The following IFT88 variants were observed in gnomAD, a reference collection of about 807,000 sequenced individuals.
IFT88 encodes the protein intraflagellar transport 88.
Under a neutral mutation model 119.5 loss-of-function variants are expected in IFT88, and 74 were observed. The observed-to-expected ratio is 0.62, with a 90% CI of 0.51 to 0.75. The LOEUF (loss-of-function observed/expected upper bound fraction) is 0.75, where lower values mean the gene tolerates loss of function less well. Ranked by LOEUF, IFT88 falls within the 30% of genes least tolerant of loss-of-function variation. The pLI, the probability that IFT88 is intolerant of heterozygous loss-of-function variation, is 0.00. For missense variants in IFT88, 961 were observed against 977.7 expected (o/e 0.98, Z 0.23); for synonymous variants, 279 against 316.7 (o/e 0.88, Z 1.26).
chr13:20,573,104 G>A (rs986691513), intron 1 of IFT88, among the ~76,000 whole-genome samples: 5 of 152,242 alleles, frequency 3.3e-5, no homozygotes, highest in African/African-American at 9.6e-5. Flanking sequence ...GTCCAGAGAG[G>A]CGTGGGAGTG....
At chr13:20,612,724 G>A (rs142963877) in intron 13 of IFT88, among the ~76,000 whole-genome samples, 111 of 152,216 alleles carry the variant, frequency 7.3e-4, no homozygotes, top group Non-Finnish European at 1.2e-3. Context: ...AAACTAGAAA[G>A]CAACATTGAT....
chr13:20,639,468 A>G (rs2049519906), intron 17 of IFT88, among the ~76,000 whole-genome samples: 1 of 152,202 alleles, frequency 6.6e-6, no homozygotes, highest in African/African-American at 2.4e-5. Context: ...GGAGGAGGGA[A>G]GGCCTACTGC....
intron 1 of IFT88, among the ~76,000 whole-genome samples, chr13:20,569,929 C>T (rs547020078): frequency 1.3e-5 from 2 of 151,732 alleles, no homozygotes; most frequent in East Asian, 3.9e-4. Flanking sequence ...CCTGTAGTCC[C>T]AGCTACTCGA....
intron 13 of IFT88, among the ~76,000 whole-genome samples, 153 bp downstream of exon 13, chr13:20,605,258 G>C (rs1306614983): frequency 6.6e-6 from 1 of 152,004 alleles, no homozygotes. Context: ...TACAGAACTT[G>C]TTATATTCAA....
Position 20,674,724 on chromosome 13 carries a change from A to G in IFT88, c.2242+3685A>G, listed in dbSNP as rs7984491. ...GTTTTATATATATATATATATATATATTTTTTTTTTTTTTTTTTTTTGAGA... is the reference window on the plus strand; with the variant it reads ...GTTTTATATATATATATATATATATGTTTTTTTTTTTTTTTTTTTTTGAGA... On this transcript the variant is annotated intron_variant, in intron 24 of 25. Coordinates refer to ENST00000351808, the MANE Select transcript of IFT88 (RefSeq NM_006531.5). 7.6e-4 allele frequency among the ~76,000 whole-genome samples: 56 copies of G among 73,808 alleles called. 8 individuals carry two copies. The highest frequency in any genetic ancestry group is 8.2e-4 in the Non-Finnish European group (32 of 39,208). The allele number at this position is 73,808 out of a possible 152,430, so 48.4% of individuals were successfully genotyped here.
rs937123508 is a variant in IFT88 at position 20,599,437 on chromosome 13, T to C, written c.698-14T>C. 1.0e-6 allele frequency: 1 copy of C among 963,068 alleles called. No homozygotes were observed. Among genetic ancestry groups the C allele is most frequent in the Non-Finnish European group, 1.6e-6 (1 of 623,454 alleles). The allele number at this position is 963,068 out of a possible 1,614,324, so 59.7% of individuals were successfully genotyped here. On this transcript the variant is annotated splice_polypyrimidine_tract_variant and intron_variant, in intron 10 of 25. Coordinates refer to ENST00000351808, the MANE Select transcript of IFT88 (RefSeq NM_006531.5). ...ATGAGAGTATTATACATTCATTAAATTTTTTTAAATTAGGAATATTGAAAA... is the reference window on the plus strand; with the variant it reads ...ATGAGAGTATTATACATTCATTAAACTTTTTTAAATTAGGAATATTGAAAA...
chr13:20,614,871 A>G (rs2045330271), intron 13 of IFT88, among the ~76,000 whole-genome samples: 1 of 136,178 alleles, frequency 7.3e-6, no homozygotes, highest in African/African-American at 2.7e-5. Context: ...GCTGGAGTGC[A>G]GTGGCCCGAT....
At chr13:20,688,597 C>T (rs2058188355) in intron 24 of IFT88, among the ~76,000 whole-genome samples, 1 of 152,164 alleles carries the variant, frequency 6.6e-6, no homozygotes, top group Non-Finnish European at 1.5e-5. Flanking sequence ...TGGAGGAATG[C>T]ACTTTTAAGT....
chr13:20,661,488 C>T (rs562616707), intron 22 of IFT88, among the ~76,000 whole-genome samples: 1 of 152,296 alleles, frequency 6.6e-6, no homozygotes, highest in East Asian at 1.9e-4. Flanking sequence ...GTAATCCCAG[C>T]ACTTTGGGAG....
chr13:20,642,456 T>G (rs1594552690), intron 18 of IFT88: 1 of 152,156 alleles, frequency 6.6e-6, no homozygotes, highest in East Asian at 1.9e-4. Flanking sequence ...ATACAAAAAT[T>G]AGCCGGGTGT....
chr13:20,677,065 C>T (rs2056761687), intron 24 of IFT88, among the ~76,000 whole-genome samples: 1 of 152,134 alleles, frequency 6.6e-6, no homozygotes, highest in African/African-American at 2.4e-5. Flanking sequence ...AACATTCTTC[C>T]AGCTTCACCT....
intron 15 of IFT88, among the ~76,000 whole-genome samples, chr13:20,626,777 G>C (rs2047404841): frequency 6.6e-6 from 1 of 152,166 alleles, no homozygotes; most frequent in African/African-American, 2.4e-5. Flanking sequence ...AAGAAAGAGG[G>C]ATAACCAAAG....
chr13:20,591,928 A>G (rs2040753516), intron 6 of IFT88, among the ~76,000 whole-genome samples: 1 of 152,200 alleles, frequency 6.6e-6, no homozygotes, highest in African/African-American at 2.4e-5. Flanking sequence ...AAAAAGTTAA[A>G]TGATAATTTA....
At chr13:20,685,253 T>TG (rs1056545712) in intron 24 of IFT88, among the ~76,000 whole-genome samples, 4 of 151,348 alleles carry the variant, frequency 2.6e-5, no homozygotes, top group South Asian at 2.1e-4. Flanking sequence ...CTCCCGGGGG[T>TG]GGGGGGGCCA....
rs138016875 is a variant in IFT88, at chr13:20,682,546, G to T, written c.2243-8159G>T. Among the ~76,000 whole-genome samples, 673 of 152,262 alleles carry T rather than the reference G, an allele frequency of 4.4e-3. 2 individuals carry two copies. Among genetic ancestry groups the T allele is most frequent in the African/African-American group, 0.016 (648 of 41,544 alleles). Reference sequence around the variant, plus strand: ...TGTTTTCAATTGATCCCTACTTATGGTTACTTTCTGTGGCACTACTGTAGT... The same window carrying T: ...TGTTTTCAATTGATCCCTACTTATGTTTACTTTCTGTGGCACTACTGTAGT... On this transcript the variant is annotated intron_variant, in intron 24 of 25. Transcript: ENST00000351808.
At chr13:20,650,233 C>A (rs561113639) in intron 20 of IFT88, among the ~76,000 whole-genome samples, 2 of 152,222 alleles carry the variant, frequency 1.3e-5, no homozygotes, top group African/African-American at 4.8e-5. Flanking sequence ...CAACAAAATA[C>A]TAGCAAACCA....
intron 24 of IFT88, among the ~76,000 whole-genome samples, chr13:20,683,519 C>G (rs1054405386): frequency 6.6e-6 from 1 of 152,064 alleles, no homozygotes; most frequent in Non-Finnish European, 1.5e-5. Context: ...GGTTGTCCAT[C>G]GAGTCCTTCA....
intron 20 of IFT88, among the ~76,000 whole-genome samples, chr13:20,647,101 C>T (rs936795409): frequency 1.3e-5 from 2 of 152,176 alleles, no homozygotes; most frequent in African/African-American, 4.8e-5. Context: ...TTTTATGCCT[C>T]GGTTTCCCAG....
intron 24 of IFT88, 91 bp from the exon 25 acceptor site, chr13:20,690,614 C>A: frequency 1.2e-6 from 1 of 820,714 alleles, no homozygotes; most frequent in Non-Finnish European, 2.0e-6. Flanking sequence ...CTGCTTGTTT[C>A]TTGGCAAATA....
Sources: gnomAD v4.1 joint callset for allele counts (sites outside exome capture counted in the v4.1 genomes callset) on GRCh38, gnomAD v4.1.1 for gene constraint, MANE v1.5 for transcripts, NCBI Gene and HGNC (gene_info 2026-07-23, HGNC 2026-07-21) for gene names.